BANP: variants seen among roughly 807,000 people sequenced by gnomAD.
BANP encodes the protein protein BANP.
BANP carries 11 observed loss-of-function variants against 68.1 expected under a neutral mutation model. That is an observed-to-expected ratio of 0.16 (90% CI 0.10 to 0.27). BANP has a LOEUF of 0.27. Among genes scored for constraint, BANP ranks in the 10% least tolerant of loss-of-function variants. The pLI is 1.00. For synonymous variants in BANP, 329 were observed against 303.2 expected, an observed-to-expected ratio of 1.09 and a Z score of -0.88; for missense variants, 504 against 722.7, an observed-to-expected ratio of 0.70 and a Z score of 3.47.
chr16:88,064,798 A>G lies in BANP; in HGVS notation c.1312-469A>G, dbSNP rs2088028488. Among the ~76,000 whole-genome samples the G allele has an allele frequency of 6.6e-6, 1 of 152,216 alleles. No individual in the cohort carries two copies. Among genetic ancestry groups the G allele is most frequent in the Admixed American group, 6.5e-5 (1 of 15,290 alleles). On this transcript the variant is annotated intron_variant, in intron 11 of 13. Coordinates refer to ENST00000682872, the MANE Select transcript of BANP (RefSeq NM_001386991.1). The surrounding 1 kb of genome is among the most constrained non-coding windows in gnomAD (Gnocchi z 4.5). ...CGCAGGGCACTCCTCTGGCTGGGAT[A>G]GGAGACAGCCAGGACCCCTCAGCTT... is the stretch of plus-strand genomic sequence containing the variant.
At chr16:87,996,686 C>T (rs1254547558) in intron 4 of BANP, among the ~76,000 whole-genome samples, 1 of 151,904 alleles carries the variant, frequency 6.6e-6, no homozygotes, top group African/African-American at 2.4e-5. Context: ...GGCCCTCGTC[C>T]TGGGCGCCGG....
chr16:87,960,598 C>T (rs1300435693), intron 1 of BANP, among the ~76,000 whole-genome samples: 1 of 152,200 alleles, frequency 6.6e-6, no homozygotes, highest in Non-Finnish European at 1.5e-5. Flanking sequence ...AGACGCATGA[C>T]AGCAGTTCAT....
chr16:87,985,650 G>A (rs1288537016), intron 4 of BANP, among the ~76,000 whole-genome samples: 1 of 152,178 alleles, frequency 6.6e-6, no homozygotes, highest in East Asian at 1.9e-4. Flanking sequence ...ATAGTATTGT[G>A]TAATAAGACA....
chr16:88,046,846 C>G (rs1252576218), intron 11 of BANP, among the ~76,000 whole-genome samples: 3 of 152,018 alleles, frequency 2.0e-5, no homozygotes, highest in Admixed American at 2.0e-4. Flanking sequence ...GCGGGCAGAT[C>G]ACGAAGTCAG....
rs147002339 is a variant in BANP, at chr16:88,031,022, G to A, written c.1064-2087G>A. ...GGGTCAGTGGAGGAACAGCAGCTCC[G>A]CGGAGGTGGGCTTCAGCCCAGCTGG... is the stretch of plus-strand genomic sequence containing the variant. On this transcript the variant is annotated intron_variant, in intron 8 of 13. Transcript: ENST00000682872. 6.0e-3 allele frequency among the ~76,000 whole-genome samples: 916 copies of A among 152,376 alleles called. 4 individuals are homozygous for A. The highest frequency in any genetic ancestry group is 0.011 in the Non-Finnish European group (727 of 68,034).
chr16:88,056,780 T>A (rs4843782), intron 11 of BANP, among the ~76,000 whole-genome samples: 150,951 of 152,340 alleles, frequency 0.99, 74,795 homozygotes, highest in East Asian at 1. Context: ...ATTCATTTCT[T>A]TTACCTGTCA....
intron 7 of BANP, among the ~76,000 whole-genome samples, chr16:88,027,027 C>T (rs774657621): frequency 3.9e-5 from 6 of 152,338 alleles, no homozygotes; most frequent in Non-Finnish European, 8.8e-5. Flanking sequence ...AGGCGGTGGC[C>T]GAGCAGGCCC....
intron 1 of BANP, among the ~76,000 whole-genome samples, chr16:87,958,559 G>A (rs763996603): frequency 6.6e-6 from 1 of 150,744 alleles, no homozygotes; most frequent in Non-Finnish European, 1.5e-5. Context: ...ACTGGGCCAG[G>A]CATGGTGGCC....
intron 4 of BANP, among the ~76,000 whole-genome samples, chr16:87,991,095 C>T (rs374758032): frequency 1.3e-4 from 20 of 152,160 alleles, no homozygotes; most frequent in African/African-American, 4.6e-4. Flanking sequence ...ATAGTGACAC[C>T]CTCTACATGC....
chr16:88,026,027 G>C (rs552347242), intron 7 of BANP, among the ~76,000 whole-genome samples: 1 of 152,202 alleles, frequency 6.6e-6, no homozygotes, highest in African/African-American at 2.4e-5. Flanking sequence ...CGTGCAGTGG[G>C]GCGCTGGCTC....
intron 4 of BANP, among the ~76,000 whole-genome samples, chr16:87,984,466 C>T (rs2063898512): frequency 6.6e-6 from 1 of 152,252 alleles, no homozygotes; most frequent in Admixed American, 6.5e-5. Flanking sequence ...TGAAGTCATC[C>T]TCACGTTTCC....
At chr16:88,027,354 C>G in intron 7 of BANP, 129 bp from the exon 8 acceptor site, 1 of 1,008,040 alleles carries the variant, frequency 9.9e-7, no homozygotes, top group Non-Finnish European at 1.5e-6. Flanking sequence ...TGCAGGAAGA[C>G]GGGGCCGGCC....
intron 1 of BANP, among the ~76,000 whole-genome samples, chr16:87,972,610 G>A (rs1266242506): frequency 6.6e-6 from 1 of 152,132 alleles, no homozygotes; most frequent in Admixed American, 6.5e-5. Context: ...GCTCAGAAGG[G>A]AGGCTTGGTT....
intron 7 of BANP, among the ~76,000 whole-genome samples, chr16:88,026,277 T>C (rs1049690128): frequency 1.3e-5 from 2 of 152,200 alleles, no homozygotes; most frequent in Non-Finnish European, 2.9e-5. Flanking sequence ...GTATAGGGAC[T>C]CCAGGGATGA....
chr16:88,051,444 G>A (rs1444754576), intron 11 of BANP, among the ~76,000 whole-genome samples: 3 of 152,218 alleles, frequency 2.0e-5, no homozygotes, highest in Non-Finnish European at 2.9e-5. Context: ...TGGGGTTTGC[G>A]GGAGCCCATG....
intron 3 of BANP, among the ~76,000 whole-genome samples, chr16:87,982,341 A>T (rs1454047966): frequency 6.6e-6 from 1 of 152,220 alleles, no homozygotes; most frequent in Non-Finnish European, 1.5e-5. Flanking sequence ...TTGGTATATA[A>T]GAGTGATTTT....
chr16:87,976,197 T>C (rs2062088196), intron 2 of BANP, among the ~76,000 whole-genome samples: 2 of 152,238 alleles, frequency 1.3e-5, no homozygotes, highest in Non-Finnish European at 2.9e-5. Flanking sequence ...TTCCTAGAAG[T>C]AGAATTGCTA....
At chr16:88,053,303 C>T (rs1444082871) in intron 11 of BANP, among the ~76,000 whole-genome samples, 2 of 151,820 alleles carry the variant, frequency 1.3e-5, no homozygotes, top group Non-Finnish European at 2.9e-5. Context: ...CCCTTCACCA[C>T]CACCACCACC....
In BANP at chr16:88,057,326, A is replaced by G. The variant is rs892882711; in HGVS notation, c.1312-7941A>G. Among the ~76,000 whole-genome samples, 1 of 152,116 alleles carries G rather than the reference A, an allele frequency of 6.6e-6. No individual in the cohort carries two copies. The highest frequency in any genetic ancestry group is 1.9e-4 in the East Asian group (1 of 5,186). On this transcript the variant is annotated intron_variant, in intron 11 of 13. Coordinates refer to ENST00000682872, the MANE Select transcript of BANP (RefSeq NM_001386991.1). The surrounding 1 kb of genome is among the most constrained non-coding windows in gnomAD (Gnocchi z 4.6). ...ATGTGTAGACTCTTTTGCCCCAAGA[A>G]TTATCTTCTGGAAGGCTACCAGAGT... is the stretch of plus-strand genomic sequence containing the variant.
Sources: allele counts gnomAD v4.1 joint callset (sites outside exome capture counted in the v4.1 genomes callset), GRCh38; gene constraint gnomAD v4.1.1; non-coding constraint Gnocchi (gnomAD v3.1); transcripts MANE v1.5; gene names NCBI Gene and HGNC (gene_info 2026-07-23, HGNC 2026-07-21).